The following NAALADL2 variants were observed in gnomAD, a reference collection of about 807,000 sequenced individuals.
NAALADL2 encodes inactive N-acetylated-alpha-linked acidic dipeptidase-like protein 2.
In NAALADL2, 76 loss-of-function variants were observed where a neutral mutation model predicts 87.2. The ratio of observed to expected loss-of-function variants is 0.87; its 90% CI spans 0.72 to 1.05. The LOEUF (loss-of-function observed/expected upper bound fraction) is 1.05. NAALADL2 is among the 50% of genes least tolerant of loss of function. The pLI is 0.00. For synonymous variants in NAALADL2, 354 were observed against 331.0 expected (o/e 1.07, Z -0.75); for missense variants, 1,089 against 945.8 (o/e 1.15, Z -1.99).
intron 1 of NAALADL2, among the ~76,000 whole-genome samples, chr3:174,495,308 C>G (rs906497516): frequency 2.0e-5 from 3 of 148,318 alleles, no homozygotes; most frequent in Non-Finnish European, 4.4e-5. Flanking sequence ...ATAAGGGAGG[C>G]AATTCTTGAG....
intron 4 of NAALADL2, among the ~76,000 whole-genome samples, chr3:175,318,959 C>A: frequency 6.6e-6 from 1 of 152,108 alleles, no homozygotes; most frequent in Admixed American, 6.5e-5. Flanking sequence ...CTTTTAATTG[C>A]AGAGTTATAT....
intron 1 of NAALADL2, among the ~76,000 whole-genome samples, chr3:175,006,226 A>G (rs1409304354): frequency 6.6e-6 from 1 of 152,100 alleles, no homozygotes; most frequent in Non-Finnish European, 1.5e-5. Context: ...TCTGATAATT[A>G]TCTCCTCTGT....
chr3:175,363,994 T>C lies in NAALADL2; in HGVS notation c.1090+39669T>C, dbSNP rs1160808160. 2.0e-5 allele frequency among the ~76,000 whole-genome samples: 3 copies of C among 148,412 alleles called. 1 individual carries two copies. In the South Asian group the frequency reaches 6.5e-4, roughly 32 times the overall value. On this transcript the variant is annotated intron_variant, in intron 5 of 13. Transcript: ENST00000454872. ...GGGAATTAACACAAATGCATTTTCA[T>C]CATCATTTCATTAGGATTTGAAGCA... is the stretch of plus-strand genomic sequence containing the variant.
chr3:174,904,645 G>C (rs930480731), intron 1 of NAALADL2, among the ~76,000 whole-genome samples: 2 of 151,816 alleles, frequency 1.3e-5, no homozygotes, highest in Non-Finnish European at 2.9e-5. Flanking sequence ...TGCTTTCCCT[G>C]CTAGAGACCA....
intron 11 of NAALADL2, among the ~76,000 whole-genome samples, chr3:175,678,898 G>A (rs1029723605): frequency 6.6e-6 from 1 of 152,196 alleles, no homozygotes; most frequent in Non-Finnish European, 1.5e-5. Context: ...CTTTGTGTGA[G>A]CAACAAGGCT....
At chr3:174,508,675 AGG>A (rs1338188307) in intron 1 of NAALADL2, among the ~76,000 whole-genome samples, 2 of 152,200 alleles carry the variant, frequency 1.3e-5, no homozygotes, top group Non-Finnish European at 2.9e-5. Context: ...TGTCATTTGC[AGG>A]GCACAAGACT....
intron 6 of NAALADL2, among the ~76,000 whole-genome samples, chr3:175,448,557 A>G (rs1721049709): frequency 6.6e-6 from 1 of 152,206 alleles, no homozygotes; most frequent in Non-Finnish European, 1.5e-5. Flanking sequence ...TCTCTGTGCT[A>G]GCTCCATGCC....
chr3:174,980,537 A>G (rs1744973006), intron 1 of NAALADL2, among the ~76,000 whole-genome samples: 1 of 152,140 alleles, frequency 6.6e-6, no homozygotes, highest in Non-Finnish European at 1.5e-5. Flanking sequence ...ATAGTAACCC[A>G]AAGCATTCAG....
chr3:175,324,459 A>T lies in NAALADL2; in HGVS notation c.1090+134A>T, dbSNP rs534609932. 29 of 706,522 alleles carry T rather than the reference A, an allele frequency of 4.1e-5. No individual in the cohort carries two copies. In the African/African-American group the frequency reaches 5.4e-4, roughly 13 times the overall value. 43.8% of individuals were successfully genotyped at this position (706,522 alleles called of 1,614,324 possible). ...TCCCATCTTATTATTTTAAAAAGCA[A>T]TTTATTTTTTATCTTCTCATAATTA... is the stretch of plus-strand genomic sequence containing the variant. On this transcript the variant is annotated intron_variant, in intron 5 of 13. Transcript: ENST00000454872.
intron 9 of NAALADL2, among the ~76,000 whole-genome samples, chr3:175,565,528 G>A (rs62288398): frequency 0.11 from 17,024 of 152,072 alleles, 1,160 homozygotes; most frequent in Middle Eastern, 0.17. Context: ...GTGTCCTGCT[G>A]GTGACTTGGG....
chr3:174,703,901 T>C (rs1472570580), intron 2 of NAALADL2, among the ~76,000 whole-genome samples: 2 of 152,138 alleles, frequency 1.3e-5, no homozygotes, highest in Non-Finnish European at 2.9e-5. Context: ...TCTGGCCTCT[T>C]AGGGTAGGAA....
Position 175,104,740 on chromosome 3 carries a change from A to G in NAALADL2, c.545+7449A>G, listed in dbSNP as rs554291134. On this transcript the variant is annotated intron_variant, in intron 2 of 13. Coordinates refer to ENST00000454872, the MANE Select transcript of NAALADL2 (RefSeq NM_207015.3). The stretch of plus-strand genomic sequence containing the variant: ...CGATAACAGAATGAATTTAACAGTA[A>G]TAGAGTGATGGCTCCTAAAGGAAGT... Among the ~76,000 whole-genome samples the G allele has an allele frequency of 2.6e-5, 4 of 152,288 alleles. No homozygotes were observed. In the East Asian group the frequency reaches 7.7e-4, roughly 29 times the overall value.
chr3:175,298,887 C>A (rs1756690292), intron 4 of NAALADL2, among the ~76,000 whole-genome samples: 1 of 152,110 alleles, frequency 6.6e-6, no homozygotes, highest in Non-Finnish European at 1.5e-5. Flanking sequence ...TTGGTTAAAT[C>A]TTTCTATTTC....
intron 9 of NAALADL2, among the ~76,000 whole-genome samples, chr3:175,572,772 A>G (rs1287467592): frequency 6.6e-6 from 1 of 152,170 alleles, no homozygotes; most frequent in African/African-American, 2.4e-5. Flanking sequence ...GTTAGAGCAA[A>G]CAAATGTTGC....
chr3:175,769,220 G>A (rs1391757041), intron 13 of NAALADL2, among the ~76,000 whole-genome samples: 2 of 152,150 alleles, frequency 1.3e-5, no homozygotes, highest in East Asian at 3.9e-4. Context: ...AGGCAGAACT[G>A]TACCAGACAC....
At chr3:175,163,402 T>C (rs983152765) in intron 2 of NAALADL2, among the ~76,000 whole-genome samples, 3 of 152,056 alleles carry the variant, frequency 2.0e-5, no homozygotes, top group African/African-American at 7.2e-5. Flanking sequence ...TTTGCAAATG[T>C]AGTTGCTGAT....
At chr3:175,237,692 G>C (rs1746140347) in intron 3 of NAALADL2, among the ~76,000 whole-genome samples, 1 of 151,940 alleles carries the variant, frequency 6.6e-6, no homozygotes, top group Non-Finnish European at 1.5e-5. Flanking sequence ...GGACACAAAA[G>C]AAGAAGCCGG....
intron 5 of NAALADL2, among the ~76,000 whole-genome samples, chr3:175,406,033 G>A (rs1319583821): frequency 6.6e-6 from 1 of 152,186 alleles, no homozygotes; most frequent in African/African-American, 2.4e-5. Flanking sequence ...GGACAGACAA[G>A]GCGCTTACCC....
At chr3:175,286,851 G>A (rs1755033832) in intron 4 of NAALADL2, among the ~76,000 whole-genome samples, 1 of 152,010 alleles carries the variant, frequency 6.6e-6, no homozygotes. Flanking sequence ...CAGCCCTTTG[G>A]GAGGCCACAG....
Sources: allele counts gnomAD v4.1 joint callset (sites outside exome capture counted in the v4.1 genomes callset), GRCh38; gene constraint gnomAD v4.1.1; transcripts MANE v1.5; gene names NCBI Gene and HGNC (gene_info 2026-07-23, HGNC 2026-07-21).